The following APPBP2 variants were observed in gnomAD, a reference collection of about 807,000 sequenced individuals.
The protein encoded by APPBP2 is amyloid protein-binding protein 2.
In APPBP2, 15 loss-of-function variants were observed where a neutral mutation model predicts 76.0. The observed-to-expected ratio is 0.20, with a 90% CI of 0.13 to 0.30. The LOEUF (loss-of-function observed/expected upper bound fraction) is 0.30. Among genes scored for constraint, APPBP2 ranks in the 10% least tolerant of loss-of-function variants. The pLI is 1.00. For missense variants in APPBP2, 401 were observed against 687.2 expected (o/e 0.58, Z 4.66); for synonymous variants, 222 against 242.2 (o/e 0.92, Z 0.77).
chr17:60,465,507 A>G (rs2090504347), intron 5 of APPBP2, among the ~76,000 whole-genome samples: 1 of 152,198 alleles, frequency 6.6e-6, no homozygotes, highest in South Asian at 2.1e-4. Context: ...ATTCCTCACG[A>G]ATGTGCTGAG....
rs773955008 is a variant in APPBP2 at position 60,466,459 on chromosome 17, C to T, written c.504G>A (p.Arg168=). The T allele has an allele frequency of 3.1e-6, 5 of 1,610,794 alleles. No homozygotes were observed. Among genetic ancestry groups the T allele is most frequent in the Non-Finnish European group, 3.4e-6 (4 of 1,179,728 alleles). The part of the protein sequence containing the change: ...HWFRAVECCV[R]LLHVRNGNCK... ...AGTTTCCATTTCGCACATGAAGCAA[C>T]CTATAAAACACCAATAACATTGCTC... Residue 168 remains arginine, a splice_region_variant and synonymous_variant, in exon 5 of 13, where the codon AGG becomes AGA. Coordinates refer to ENST00000083182, the MANE Select transcript of APPBP2 (RefSeq NM_006380.5).
chr17:60,507,275 G>C (rs548363245), intron 1 of APPBP2, among the ~76,000 whole-genome samples: 1 of 151,102 alleles, frequency 6.6e-6, no homozygotes, highest in Admixed American at 6.6e-5. Flanking sequence ...AAGCTAGAGT[G>C]CAGTGGCAAA....
At chr17:60,499,793 T>C (rs1362244191) in intron 2 of APPBP2, among the ~76,000 whole-genome samples, 6 of 152,292 alleles carry the variant, frequency 3.9e-5, no homozygotes, top group Non-Finnish European at 8.8e-5. Context: ...AACATTATGC[T>C]AAATGAAATA....
intron 11 of APPBP2, among the ~76,000 whole-genome samples, chr17:60,453,491 A>C (rs1467537867): frequency 6.7e-6 from 1 of 150,312 alleles, no homozygotes; most frequent in Non-Finnish European, 1.5e-5. Context: ...GGCCTCATAT[A>C]TTAATCTTTT....
chr17:60,477,203 G>A (rs1440259875), intron 4 of APPBP2, among the ~76,000 whole-genome samples: 1 of 152,206 alleles, frequency 6.6e-6, no homozygotes, highest in Non-Finnish European at 1.5e-5. Flanking sequence ...AGGAGAGAAG[G>A]AGACTGACTT....
At chr17:60,504,196 A>G (rs759728395) in intron 1 of APPBP2, among the ~76,000 whole-genome samples, 1 of 152,174 alleles carries the variant, frequency 6.6e-6, no homozygotes, top group Non-Finnish European at 1.5e-5. Flanking sequence ...GGCTATATCA[A>G]CCACTTTCAG....
At chr17:60,523,433 G>A (rs1191843379) in intron 1 of APPBP2, among the ~76,000 whole-genome samples, 1 of 151,832 alleles carries the variant, frequency 6.6e-6, no homozygotes, top group Non-Finnish European at 1.5e-5. Context: ...GGGGTTCAAG[G>A]TTGCGGTGAG....
chr17:60,487,701 T>C (rs2090691877), intron 3 of APPBP2, among the ~76,000 whole-genome samples: 1 of 152,240 alleles, frequency 6.6e-6, no homozygotes. Context: ...TTCTGTCAAC[T>C]TGTCAAAGTC....
intron 1 of APPBP2, among the ~76,000 whole-genome samples, chr17:60,522,861 CTTT>C (rs71916315): frequency 1.4e-5 from 2 of 146,232 alleles, no homozygotes; most frequent in Non-Finnish European, 3.0e-5. Flanking sequence ...GTCTTCCATT[CTTT>C]TTTTTTTTTA....
chr17:60,475,152 C>A (rs1262183326), intron 4 of APPBP2, among the ~76,000 whole-genome samples: 2 of 152,108 alleles, frequency 1.3e-5, no homozygotes, highest in African/African-American at 4.8e-5. Context: ...ATCATTTAAA[C>A]CTGGGAGGTG....
chr17:60,514,969 A>G (rs1598376068), intron 1 of APPBP2, among the ~76,000 whole-genome samples: 1 of 151,734 alleles, frequency 6.6e-6, no homozygotes, highest in African/African-American at 2.4e-5. Context: ...ATGCCCAGCT[A>G]ATTTCTGTAT....
intron 2 of APPBP2, among the ~76,000 whole-genome samples, chr17:60,497,644 C>G (rs1401251037): frequency 6.6e-6 from 1 of 151,558 alleles, no homozygotes; most frequent in Non-Finnish European, 1.5e-5. Flanking sequence ...ACTATGTACC[C>G]CCAAAAACTT....
At position 60,447,298 on chromosome 17, in the gene APPBP2, A is replaced by T. The variant is rs1223942601; in HGVS notation, c.*283T>A. 7.0e-6 allele frequency: 2 copies of T among 286,758 alleles called. No homozygotes were observed. Among genetic ancestry groups the T allele is most frequent in the Admixed American group, 4.9e-5 (1 of 20,466 alleles). The allele number at this position is 286,758 out of a possible 1,614,324, so 17.8% of individuals were successfully genotyped here. On this transcript the variant is annotated 3_prime_UTR_variant, in exon 13 of 13. Transcript: ENST00000083182. Reference sequence around the variant, plus strand: ...TTTCTTTCAGGCTTTCTGCAAAATGAATTTTTTAAAAACAACAAAAAAAAG... The same window carrying T: ...TTTCTTTCAGGCTTTCTGCAAAATGTATTTTTTAAAAACAACAAAAAAAAG...
chr17:60,475,965 GGT>G (rs1466928594), intron 4 of APPBP2, among the ~76,000 whole-genome samples: 1 of 152,088 alleles, frequency 6.6e-6, no homozygotes, highest in Non-Finnish European at 1.5e-5. Flanking sequence ...GGGGGTTGCG[GGT>G]GTGATTTTAA....
At chr17:60,508,655 A>T (rs1450590281) in intron 1 of APPBP2, among the ~76,000 whole-genome samples, 2 of 152,182 alleles carry the variant, frequency 1.3e-5, no homozygotes, top group Non-Finnish European at 2.9e-5. Context: ...AAAGAAGTCT[A>T]GAACATCTCC....
chr17:60,447,409 G>A lies in APPBP2; in HGVS notation c.*172C>T. On this transcript the variant is annotated 3_prime_UTR_variant, in exon 13 of 13. Transcript: ENST00000083182. ...ACATGCTGAATATAACTGAATATAT[G>A]CTTATTCCTACAGACATTCTGCAAG... 1 of 644,546 alleles carries A rather than the reference G, an allele frequency of 1.6e-6. No individual in the cohort carries two copies. The highest frequency in any genetic ancestry group is 2.3e-5 in the South Asian group (1 of 44,344). 39.9% of individuals were successfully genotyped at this position (644,546 alleles called of 1,614,324 possible).
intron 4 of APPBP2, among the ~76,000 whole-genome samples, chr17:60,469,193 G>C (rs761461173): frequency 6.6e-6 from 1 of 151,978 alleles, no homozygotes; most frequent in Non-Finnish European, 1.5e-5. Context: ...TGGCATGGTG[G>C]TGCGTGCCTG....
At chr17:60,525,650 C>G in intron 1 of APPBP2, 144 bp downstream of exon 1, 1 of 1,272,458 alleles carries the variant, frequency 7.9e-7, no homozygotes, top group Non-Finnish European at 1.1e-6. Context: ...TCTCCACTGG[C>G]AATGCAGACA....
At chr17:60,449,366 C>T (rs576221053) in intron 12 of APPBP2, among the ~76,000 whole-genome samples, 4 of 152,272 alleles carry the variant, frequency 2.6e-5, no homozygotes, top group Non-Finnish European at 5.9e-5. Flanking sequence ...CCCAGGCGGG[C>T]AGGCTGCCTG....
Sources: gnomAD v4.1 joint callset for allele counts (sites outside exome capture counted in the v4.1 genomes callset) on GRCh38, gnomAD v4.1.1 for gene constraint, MANE v1.5 for transcripts, NCBI Gene and HGNC (gene_info 2026-07-23, HGNC 2026-07-21) for gene names.